Variants in MLIP observed in about 807,000 individuals in gnomAD.
MLIP encodes the protein muscular LMNA interacting protein, also known as muscular LMNA-interacting protein.
In MLIP, 79 loss-of-function variants were observed where a neutral mutation model predicts 84.8. The observed-to-expected ratio is 0.93, with a 90% CI of 0.78 to 1.12. MLIP has a LOEUF of 1.12. Ranked by LOEUF, MLIP falls within the 50% of genes most tolerant of loss-of-function variation. MLIP has a pLI of 0.00. For missense variants in MLIP, 1,257 were observed against 1,160.6 expected (o/e 1.08, Z -1.21); for synonymous variants, 504 against 463.0 (o/e 1.09, Z -1.14).
intron 1 of MLIP, among the ~76,000 whole-genome samples, chr6:54,053,130 C>G (rs945374188): frequency 1.7e-4 from 26 of 152,154 alleles, no homozygotes; most frequent in Non-Finnish European, 2.6e-4. Flanking sequence ...GCTGGGAACA[C>G]AGAACTAGAA....
At chr6:54,248,019 A>G (rs1190934906) in intron 12 of MLIP, among the ~76,000 whole-genome samples, 3 of 152,132 alleles carry the variant, frequency 2.0e-5, no homozygotes, top group African/African-American at 7.2e-5. Context: ...AACTGGTGGC[A>G]AATTAGGAAG....
At position 54,209,449 on chromosome 6, in the gene MLIP, T is replaced by A. The variant is rs368997191; in HGVS notation, c.2718+7216T>A. Among the ~76,000 whole-genome samples the A allele has an allele frequency of 9.9e-4, 151 of 152,240 alleles. 1 individual carries two copies. The highest frequency in any genetic ancestry group is 3.3e-3 in the African/African-American group (139 of 41,546). On this transcript the variant is annotated intron_variant, in intron 11 of 13. Transcript: ENST00000502396. ...AACAGAATCAAGCTAGTGATGCAAA[T>A]CATTTAAAATAAATGTATAGAAAGA... is the stretch of plus-strand genomic sequence containing the variant.
chr6:54,132,837 A>T (rs970771498), intron 3 of MLIP, among the ~76,000 whole-genome samples: 1 of 152,138 alleles, frequency 6.6e-6, no homozygotes, highest in African/African-American at 2.4e-5. Flanking sequence ...AACCAGCCCC[A>T]CTCAGCTTGC....
Position 54,027,122 on chromosome 6 carries a change from A to C in MLIP, c.63+8031A>C, listed in dbSNP as rs899751013. On this transcript the variant is annotated intron_variant, in intron 1 of 12. Transcript: ENST00000274897. Reference sequence around the variant, plus strand: ...AAACAGAAGTCCTTGTTATTAGATGAAACCTTCCTTTTAGAATAGAAAGTT... The same window carrying C: ...AAACAGAAGTCCTTGTTATTAGATGCAACCTTCCTTTTAGAATAGAAAGTT... 6.6e-5 allele frequency among the ~76,000 whole-genome samples: 10 copies of C among 152,190 alleles called. No individual in the cohort carries two copies. In the South Asian group the frequency reaches 1.0e-3, roughly 16 times the overall value.
In MLIP at chr6:54,137,155, G is replaced by A; in HGVS notation, c.1086G>A (p.Ser362=). The change falls in exon 4 of 14, where the codon TCG becomes TCA. Residue 362 remains serine, a synonymous_variant. Transcript: ENST00000502396. ...SSASLKSNSA[S]YIPVRIVTHS... ...CTTCTCTGAAGTCGAATTCGGCCTC[G>A]TACATACCAGTCCGCATTGTCACGC... 3 of 1,535,920 alleles carry A rather than the reference G, an allele frequency of 2.0e-6. No individual in the cohort carries two copies. The highest frequency in any genetic ancestry group is 2.0e-5 in the Admixed American group (1 of 50,966).
intron 4 of MLIP, among the ~76,000 whole-genome samples, chr6:54,142,490 C>A (rs111312474): frequency 3.5e-4 from 54 of 152,238 alleles, no homozygotes; most frequent in Middle Eastern, 3.4e-3. Context: ...GAGGAAGATG[C>A]TCTGAGGCCA....
chr6:54,039,272 T>A (rs1764612466), intron 1 of MLIP, among the ~76,000 whole-genome samples: 1 of 151,980 alleles, frequency 6.6e-6, no homozygotes, highest in African/African-American at 2.4e-5. Context: ...TGTGATGACA[T>A]TTTATGAACT....
chr6:54,221,153 T>C (rs1481980206), intron 11 of MLIP, among the ~76,000 whole-genome samples: 1 of 152,130 alleles, frequency 6.6e-6, no homozygotes, highest in Non-Finnish European at 1.5e-5. Flanking sequence ...CACAGACAAG[T>C]TGCCATGGAA....
At chr6:54,043,547 T>C (rs1418972890) in intron 1 of MLIP, 2 of 152,246 alleles carry the variant, frequency 1.3e-5, no homozygotes, top group Non-Finnish European at 2.9e-5. Context: ...CCTGATGACT[T>C]TCGTGTTTTG....
chr6:54,131,150 C>T (rs1005402576), intron 3 of MLIP, among the ~76,000 whole-genome samples: 4 of 152,164 alleles, frequency 2.6e-5, no homozygotes, highest in African/African-American at 4.8e-5. Context: ...GTAGTGGCTT[C>T]ACAAATTTAC....
rs763286989 is a variant in MLIP, at chr6:54,202,095, A to T, written c.2590-10A>T. The T allele has an allele frequency of 1.3e-6, 2 of 1,534,478 alleles. No homozygotes were observed. Among genetic ancestry groups the T allele is most frequent in the South Asian group, 1.3e-5 (1 of 75,564 alleles). On this transcript the variant is annotated splice_polypyrimidine_tract_variant and intron_variant, in intron 10 of 13. Coordinates refer to ENST00000502396, the MANE Select transcript of MLIP (RefSeq NM_001281747.2). The stretch of plus-strand genomic sequence containing the variant: ...CCTGTTTTTAAAATATTTATTTTAC[A>T]TTCATGAAGACTAAGCCTGGAGTAA...
intron 9 of MLIP, among the ~76,000 whole-genome samples, chr6:54,175,290 T>C (rs1221092537): frequency 1.3e-5 from 2 of 152,094 alleles, no homozygotes; most frequent in Non-Finnish European, 2.9e-5. Context: ...AAGAATGTCA[T>C]TGGTATTTTG....
chr6:54,198,323 C>T (rs1182662974), intron 10 of MLIP, among the ~76,000 whole-genome samples: 1 of 152,114 alleles, frequency 6.6e-6, no homozygotes, highest in African/African-American at 2.4e-5. Context: ...TTGGATAGAA[C>T]ATTAGTTAAC....
At chr6:54,024,920 C>A (rs540068432) in intron 1 of MLIP, among the ~76,000 whole-genome samples, 2 of 152,112 alleles carry the variant, frequency 1.3e-5, no homozygotes, top group African/African-American at 4.8e-5. Context: ...TCACTGCAAC[C>A]TCTGCCTCCC....
chr6:54,096,602 G>A (rs1468929360), intron 1 of MLIP, among the ~76,000 whole-genome samples: 1 of 152,164 alleles, frequency 6.6e-6, no homozygotes, highest in Non-Finnish European at 1.5e-5. Context: ...AATACCAAGT[G>A]TTAGGGAGCT....
intron 9 of MLIP, among the ~76,000 whole-genome samples, chr6:54,183,227 G>A (rs1039360749): frequency 1.3e-5 from 2 of 152,196 alleles, no homozygotes; most frequent in Admixed American, 6.5e-5. Flanking sequence ...ATCTTAGGAC[G>A]AGAGGTGAAT....
rs1025630738 is a variant in MLIP at position 54,204,030 on chromosome 6, T to C, written c.2718+1797T>C. On this transcript the variant is annotated intron_variant, in intron 11 of 13. Transcript: ENST00000502396. ...CCCTATGTAACCTTGAAAAAGTTCA[T>C]TACAAATACTTTTTATGATTAGTTC... Among the ~76,000 whole-genome samples the C allele has an allele frequency of 1.2e-4, 19 of 152,256 alleles. No individual in the cohort carries two copies. The East Asian group carries it at 2.3e-3, about 18-fold the overall frequency.
intron 11 of MLIP, among the ~76,000 whole-genome samples, chr6:54,203,107 T>G (rs959073363): frequency 2.0e-5 from 3 of 152,210 alleles, no homozygotes; most frequent in African/African-American, 7.2e-5. Flanking sequence ...CTATACTAGA[T>G]TCTCCTTATA....
At chr6:54,084,879 C>T (rs757022796) in intron 1 of MLIP, among the ~76,000 whole-genome samples, 1 of 152,152 alleles carries the variant, frequency 6.6e-6, no homozygotes, top group African/African-American at 2.4e-5. Flanking sequence ...GCTTCATTTA[C>T]TTTCTGTCTA....
Sources: allele counts gnomAD v4.1 joint callset (sites outside exome capture counted in the v4.1 genomes callset), GRCh38; gene constraint gnomAD v4.1.1; transcripts MANE v1.5; gene names NCBI Gene and HGNC (gene_info 2026-07-23, HGNC 2026-07-21).